WWOX: variants seen among roughly 807,000 people sequenced by gnomAD.
The protein encoded by WWOX is WW domain containing oxidoreductase.
Under a neutral mutation model 46.2 loss-of-function variants are expected in WWOX, and 69 were observed. That is an observed-to-expected ratio of 1.49 (90% CI 1.23 to 1.82). The LOEUF is 1.82. Ranked by LOEUF, WWOX falls within the 40% of genes most tolerant of loss-of-function variation. The probability of loss-of-function intolerance (pLI) is 0.00; values close to 1 mark genes in which losing one functional copy is unlikely to be tolerated. For missense variants in WWOX, 919 were observed against 542.6 expected (o/e 1.69, Z -6.89); for synonymous variants, 359 against 202.6 (o/e 1.77, Z -6.56).
intron 5 of WWOX, among the ~76,000 whole-genome samples, chr16:78,381,514 C>T (rs375445002): frequency 6.6e-6 from 1 of 151,994 alleles, no homozygotes; most frequent in Non-Finnish European, 1.5e-5. Flanking sequence ...CCTGATGCTT[C>T]ACATGTGGGA....
At position 78,821,818 on chromosome 16, in the gene WWOX, A is replaced by T. The variant is rs997890380; in HGVS notation, c.1056+389066A>T. On this transcript the variant is annotated intron_variant, in intron 8 of 8. Transcript: ENST00000566780. ...AAATAGTCAGCAAATACCATCGTAGATTCAGGCTTCTGAGTCCAAAGCTAA... is the reference window on the plus strand; with the variant it reads ...AAATAGTCAGCAAATACCATCGTAGTTTCAGGCTTCTGAGTCCAAAGCTAA... Among the ~76,000 whole-genome samples the T allele has an allele frequency of 7.9e-5, 12 of 152,202 alleles. 1 individual carries two copies. Among genetic ancestry groups the T allele is most frequent in the Admixed American group, 7.9e-4 (12 of 15,284 alleles).
intron 5 of WWOX, among the ~76,000 whole-genome samples, chr16:78,263,996 C>CTCTTTTTTTTTT (rs2079304760): frequency 2.5e-5 from 2 of 78,816 alleles, no homozygotes; most frequent in African/African-American, 1.2e-4. Flanking sequence ...GCTGTGAAAT[C>CTCTTTTTTTTTT]TTTTTTTTTT....
chr16:79,082,477 A>G (rs185198841), intron 8 of WWOX, among the ~76,000 whole-genome samples: 142 of 152,174 alleles, frequency 9.3e-4, no homozygotes, highest in Non-Finnish European at 8.8e-5. Flanking sequence ...TTCTCTGGCC[A>G]CTTTATAGAC....
chr16:78,623,962 C>G lies in WWOX; in HGVS notation c.1056+191210C>G, dbSNP rs566447493. Reference sequence around the variant, plus strand: ...CTTTGCTCTACAGGTCAAGTTGGGACTTACTGAGGAGAAATGAGGGGACTT... The same window carrying G: ...CTTTGCTCTACAGGTCAAGTTGGGAGTTACTGAGGAGAAATGAGGGGACTT... On this transcript the variant is annotated intron_variant, in intron 8 of 8. Transcript: ENST00000566780. Among the ~76,000 whole-genome samples, 85 of 152,202 alleles carry G rather than the reference C, an allele frequency of 5.6e-4. 1 individual carries two copies. The highest frequency in any genetic ancestry group is 1.1e-3 in the Non-Finnish European group (72 of 68,010).
rs34746206 is a variant in WWOX at position 78,981,441 on chromosome 16, ATTT to A, written c.1057-230154_1057-230152del. 2.1e-4 allele frequency among the ~76,000 whole-genome samples: 31 copies of A among 146,264 alleles called. 1 individual carries two copies. Among genetic ancestry groups the A allele is most frequent in the Admixed American group, 5.5e-4 (8 of 14,676 alleles). On this transcript the variant is annotated intron_variant, in intron 8 of 8. Coordinates refer to ENST00000566780, the MANE Select transcript of WWOX (RefSeq NM_016373.4). ...CAGGATGATGTTTATATGAAGCATC[ATTT>A]TTTTTTTTTTTTAGGTGGAGTCTTG...
chr16:78,985,740 G>C (rs984906307), intron 8 of WWOX, among the ~76,000 whole-genome samples: 2 of 151,598 alleles, frequency 1.3e-5, no homozygotes, highest in Non-Finnish European at 2.9e-5. Context: ...CTGCACTCCA[G>C]CCTGGGCAAA....
chr16:78,670,308 C>T (rs1011017039), intron 8 of WWOX, among the ~76,000 whole-genome samples: 1 of 152,250 alleles, frequency 6.6e-6, no homozygotes, highest in East Asian at 1.9e-4. Flanking sequence ...CTTTTCCGAC[C>T]CTCCCGTGAT....
At chr16:78,703,475 G>C (rs1412122684) in intron 8 of WWOX, among the ~76,000 whole-genome samples, 1 of 151,892 alleles carries the variant, frequency 6.6e-6, no homozygotes, top group Non-Finnish European at 1.5e-5. Context: ...AATTAGCTGG[G>C]GATGGTGGCT....
chr16:78,581,906 A>G (rs2045065793), intron 8 of WWOX, among the ~76,000 whole-genome samples: 1 of 152,108 alleles, frequency 6.6e-6, no homozygotes, highest in Non-Finnish European at 1.5e-5. Flanking sequence ...TGGTCTCGAG[A>G]TGACCTTAAA....
intron 8 of WWOX, among the ~76,000 whole-genome samples, chr16:78,594,591 T>C (rs1438737437): frequency 6.6e-6 from 1 of 151,872 alleles, no homozygotes; most frequent in Non-Finnish European, 1.5e-5. Context: ...GCCATGGCAT[T>C]TTCACCTCCT....
intron 8 of WWOX, among the ~76,000 whole-genome samples, chr16:79,096,776 G>C (rs1480336197): frequency 6.6e-6 from 1 of 152,138 alleles, no homozygotes; most frequent in Non-Finnish European, 1.5e-5. Flanking sequence ...CCCATCACTA[G>C]GAACCTCATA....
intron 8 of WWOX, among the ~76,000 whole-genome samples, chr16:78,540,430 A>G (rs934451806): frequency 2.0e-5 from 3 of 152,168 alleles, no homozygotes; most frequent in Non-Finnish European, 2.9e-5. Flanking sequence ...CTGATTGCAA[A>G]TATACTTGTC....
intron 8 of WWOX, among the ~76,000 whole-genome samples, chr16:78,915,922 C>A (rs534141552): frequency 1.3e-5 from 2 of 152,316 alleles, no homozygotes; most frequent in African/African-American, 2.4e-5. Flanking sequence ...TTTCTTCACA[C>A]ACAAAACACC....
At chr16:78,627,627 G>A (rs1437516916) in intron 8 of WWOX, among the ~76,000 whole-genome samples, 1 of 152,194 alleles carries the variant, frequency 6.6e-6, no homozygotes, top group Admixed American at 6.5e-5. Context: ...TAAATAGGAA[G>A]ACAAAGAATG....
intron 8 of WWOX, among the ~76,000 whole-genome samples, chr16:79,073,184 T>C (rs1219563146): frequency 8.0e-6 from 1 of 125,288 alleles, no homozygotes; most frequent in South Asian, 2.5e-4. Flanking sequence ...ATTATTATTA[T>C]TATTATTACT....
At chr16:78,997,202 C>G (rs562123703) in intron 8 of WWOX, among the ~76,000 whole-genome samples, 1 of 152,238 alleles carries the variant, frequency 6.6e-6, no homozygotes, top group East Asian at 1.9e-4. Flanking sequence ...ATGCTTAACT[C>G]CAAGAGTCCT....
At chr16:78,272,429 A>G (rs1306935817) in intron 5 of WWOX, among the ~76,000 whole-genome samples, 2 of 152,220 alleles carry the variant, frequency 1.3e-5, no homozygotes, top group East Asian at 3.9e-4. Flanking sequence ...AGTAACAGGA[A>G]GCTGCCAGTT....
At chr16:79,034,305 G>A (rs1297468115) in intron 8 of WWOX, among the ~76,000 whole-genome samples, 1 of 152,184 alleles carries the variant, frequency 6.6e-6, no homozygotes, top group Non-Finnish European at 1.5e-5. Context: ...TATTAGTAAT[G>A]TCAATAACTT....
intron 4 of WWOX, among the ~76,000 whole-genome samples, chr16:78,147,804 C>G (rs866692779): frequency 1.4e-5 from 2 of 141,856 alleles, no homozygotes; most frequent in Admixed American, 7.0e-5. Context: ...GAATGAAGGT[C>G]TTTTTTTTTT....
Sources: gnomAD v4.1 joint callset for allele counts (sites outside exome capture counted in the v4.1 genomes callset) on GRCh38, gnomAD v4.1.1 for gene constraint, MANE v1.5 for transcripts, NCBI Gene and HGNC (gene_info 2026-07-23, HGNC 2026-07-21) for gene names.